ITGA9: variants seen among roughly 807,000 people sequenced by gnomAD.
The protein encoded by ITGA9 is integrin alpha-9.
Under a neutral mutation model 127.8 loss-of-function variants are expected in ITGA9, and 56 were observed. The ratio of observed to expected loss-of-function variants is 0.44; its 90% CI spans 0.35 to 0.55. ITGA9 has a LOEUF of 0.55. Ranked by LOEUF, ITGA9 falls within the 20% of genes least tolerant of loss-of-function variation. The pLI, the probability that ITGA9 is intolerant of heterozygous loss-of-function variation, is 0.00. For missense variants in ITGA9, 1,196 were observed against 1,347.1 expected, an observed-to-expected ratio of 0.89 and a Z score of 1.76; for synonymous variants, 508 against 514.5, an observed-to-expected ratio of 0.99 and a Z score of 0.17.
chr3:37,747,981 G>A (rs1487239469), intron 22 of ITGA9: 2 of 256,012 alleles, frequency 7.8e-6, no homozygotes, highest in Non-Finnish European at 1.5e-5. Flanking sequence ...GCCTCCCAAG[G>A]CTTATTTTAC....
chr3:37,479,631 C>G (rs1330669101), intron 3 of ITGA9, among the ~76,000 whole-genome samples: 1 of 152,196 alleles, frequency 6.6e-6, no homozygotes, highest in African/African-American at 2.4e-5. Flanking sequence ...TTCACATGTC[C>G]TGGGACATGT....
chr3:37,686,935 C>T (rs989222609), intron 18 of ITGA9, among the ~76,000 whole-genome samples: 3 of 152,140 alleles, frequency 2.0e-5, no homozygotes, highest in Non-Finnish European at 4.4e-5. Context: ...GTGAGGGGCA[C>T]CAGGAGAGCC....
At chr3:37,573,853 C>T (rs780095703) in intron 15 of ITGA9, among the ~76,000 whole-genome samples, 2 of 152,066 alleles carry the variant, frequency 1.3e-5, no homozygotes, top group African/African-American at 2.4e-5. Context: ...CAAGGGATGC[C>T]GGGTCATGCA....
At chr3:37,633,524 A>G (rs1700246980) in intron 16 of ITGA9, among the ~76,000 whole-genome samples, 1 of 152,202 alleles carries the variant, frequency 6.6e-6, no homozygotes, top group Non-Finnish European at 1.5e-5. Context: ...TGAACACTAT[A>G]CTGAAAATGA....
chr3:37,627,743 C>T (rs1332878341), intron 15 of ITGA9, among the ~76,000 whole-genome samples: 2 of 152,074 alleles, frequency 1.3e-5, no homozygotes, highest in Non-Finnish European at 2.9e-5. Flanking sequence ...GCTTTGAGCC[C>T]AAACATTGGT....
At chr3:37,515,169 A>G (rs1286600297) in intron 9 of ITGA9, among the ~76,000 whole-genome samples, 1 of 152,248 alleles carries the variant, frequency 6.6e-6, no homozygotes, top group African/African-American at 2.4e-5. Context: ...AAATGGGATG[A>G]AAACTGCATG....
chr3:37,782,952 A>G (rs577588261), intron 25 of ITGA9, among the ~76,000 whole-genome samples: 3 of 152,320 alleles, frequency 2.0e-5, no homozygotes, highest in African/African-American at 7.2e-5. Flanking sequence ...AGCCTGGCCA[A>G]CATGGTGAAA....
chr3:37,671,850 C>T (rs1253073636), intron 17 of ITGA9, among the ~76,000 whole-genome samples: 1 of 152,126 alleles, frequency 6.6e-6, no homozygotes, highest in Non-Finnish European at 1.5e-5. Flanking sequence ...GGCATAGTAA[C>T]TCACTCCCAG....
At chr3:37,474,595 C>T (rs905955902) in intron 3 of ITGA9, among the ~76,000 whole-genome samples, 2 of 152,194 alleles carry the variant, frequency 1.3e-5, no homozygotes, top group African/African-American at 4.8e-5. Flanking sequence ...CCGGAAGAAC[C>T]CCTGCACCCT....
chr3:37,738,854 G>A (rs1696398032), intron 20 of ITGA9, among the ~76,000 whole-genome samples: 1 of 152,214 alleles, frequency 6.6e-6, no homozygotes, highest in African/African-American at 2.4e-5. Context: ...AGAGAGGGCA[G>A]GGAACCAGTA....
At position 37,494,553 on chromosome 3, in the gene ITGA9, G is replaced by A. The variant is rs147067808; in HGVS notation, c.597G>A (p.Ala199=). 3.1e-5 allele frequency: 50 copies of A among 1,613,632 alleles called. No homozygotes were observed. Among genetic ancestry groups the A allele is most frequent in the African/African-American group, 9.3e-5 (7 of 74,922 alleles). Residue 199 remains alanine, a synonymous_variant, in exon 5 of 28, where the codon GCG becomes GCA. Transcript: ENST00000264741. The part of the protein sequence containing the change: ...EEHGSCQAGI[A]GFFTEELVVM... ...ACGGCTCCTGCCAGGCTGGGATAGC[G>A]GGCTTCTTCACCGAGGTGGGTGTCT...
intron 1 of ITGA9, among the ~76,000 whole-genome samples, chr3:37,466,483 CAAAAAAA>C (rs60980366): frequency 7.7e-4 from 20 of 26,066 alleles, no homozygotes; most frequent in African/African-American, 2.5e-3. Flanking sequence ...GACACCATCT[CAAAAAAA>C]AAAAAAAAAA....
At chr3:37,496,330 C>A (rs1323008383) in intron 5 of ITGA9, among the ~76,000 whole-genome samples, 3 of 152,178 alleles carry the variant, frequency 2.0e-5, no homozygotes, top group African/African-American at 7.2e-5. Context: ...CGACAGAGTT[C>A]TATGCCCTGG....
chr3:37,647,766 T>A (rs546363790), intron 16 of ITGA9, among the ~76,000 whole-genome samples: 2 of 152,336 alleles, frequency 1.3e-5, no homozygotes, highest in Middle Eastern at 3.4e-3. Context: ...CTTAGCATAA[T>A]GTCCTCCAGT....
intron 23 of ITGA9, among the ~76,000 whole-genome samples, chr3:37,754,260 A>G (rs1472668414): frequency 6.6e-6 from 1 of 152,220 alleles, no homozygotes; most frequent in Non-Finnish European, 1.5e-5. Flanking sequence ...TGGGAGCTTT[A>G]TCTCAGACTG....
At chr3:37,658,178 G>A (rs905980604) in intron 17 of ITGA9, among the ~76,000 whole-genome samples, 3 of 152,162 alleles carry the variant, frequency 2.0e-5, no homozygotes, top group Non-Finnish European at 2.9e-5. Flanking sequence ...GATTTGGGGT[G>A]GAAAGTTCTG....
chr3:37,756,793 A>G (rs1425161569), intron 23 of ITGA9, among the ~76,000 whole-genome samples: 1 of 152,246 alleles, frequency 6.6e-6, no homozygotes, highest in Non-Finnish European at 1.5e-5. Context: ...TTTTAAAGTC[A>G]AAGCAGTAGA....
At chr3:37,796,457 T>TGTTG (rs1180323210) in intron 26 of ITGA9, among the ~76,000 whole-genome samples, 1 of 150,534 alleles carries the variant, frequency 6.6e-6, no homozygotes, top group South Asian at 2.1e-4. Flanking sequence ...CAGACACATT[T>TGTTG]GTTGGTTGGT....
chr3:37,765,981 G>C (rs1399319865), intron 23 of ITGA9, among the ~76,000 whole-genome samples: 2 of 152,212 alleles, frequency 1.3e-5, no homozygotes, highest in African/African-American at 4.8e-5. Context: ...TCTGCTACAT[G>C]AATAGGCGTC....
Sources: gnomAD v4.1 joint callset for allele counts (sites outside exome capture counted in the v4.1 genomes callset) on GRCh38, gnomAD v4.1.1 for gene constraint, MANE v1.5 for transcripts, NCBI Gene and HGNC (gene_info 2026-07-23, HGNC 2026-07-21) for gene names.